The following PLCB1 variants were observed in gnomAD, a reference collection of about 807,000 sequenced individuals.
PLCB1 encodes the protein phospholipase C beta 1, also known as 1-phosphatidylinositol 4,5-bisphosphate phosphodiesterase beta-1.
A neutral mutation model predicts 161.8 loss-of-function variants in PLCB1; 46 were observed. That is an observed-to-expected ratio of 0.28 (90% CI 0.22 to 0.36). The LOEUF (loss-of-function observed/expected upper bound fraction) is 0.36. Among genes scored for constraint, PLCB1 ranks in the 10% least tolerant of loss-of-function variants. The pLI is 1.00. For synonymous variants in PLCB1, 517 were observed against 503.7 expected, an observed-to-expected ratio of 1.03 and a Z score of -0.35; for missense variants, 1,016 against 1,472.5, an observed-to-expected ratio of 0.69 and a Z score of 5.07.
chr20:8,139,012 A>G (rs1415846296), intron 1 of PLCB1, among the ~76,000 whole-genome samples: 1 of 150,950 alleles, frequency 6.6e-6, no homozygotes, highest in African/African-American at 2.4e-5. Flanking sequence ...ATTTTTATTT[A>G]TACTAAAATT....
At chr20:8,490,807 A>G (rs1216792685) in intron 3 of PLCB1, among the ~76,000 whole-genome samples, 1 of 151,264 alleles carries the variant, frequency 6.6e-6, no homozygotes, top group East Asian at 1.9e-4. Flanking sequence ...TTTTAGGAGA[A>G]TAGTTTCTTT....
intron 3 of PLCB1, among the ~76,000 whole-genome samples, chr20:8,438,298 A>G (rs2122602143): frequency 6.6e-6 from 1 of 152,320 alleles, no homozygotes; most frequent in Middle Eastern, 3.4e-3. Context: ...ATACCTAAAT[A>G]TTGAGGGAAA....
intron 2 of PLCB1, among the ~76,000 whole-genome samples, chr20:8,183,714 G>A (rs1163493588): frequency 2.0e-5 from 3 of 152,090 alleles, no homozygotes; most frequent in Admixed American, 6.5e-5. Context: ...ATGAATGTCC[G>A]TCTCCAGGGA....
intron 3 of PLCB1, among the ~76,000 whole-genome samples, chr20:8,590,991 A>G (rs932227437): frequency 6.6e-6 from 1 of 152,072 alleles, no homozygotes; most frequent in Admixed American, 6.5e-5. Flanking sequence ...CGACCTTCCA[A>G]CAGGCCCCAG....
intron 23 of PLCB1, chr20:8,752,011 G>T (rs1296610748): frequency 4.6e-5 from 7 of 152,102 alleles, no homozygotes; most frequent in African/African-American, 1.7e-4. Flanking sequence ...ATATCAGAAA[G>T]TTCAATTTTA....
intron 3 of PLCB1, among the ~76,000 whole-genome samples, chr20:8,570,353 G>A (rs555794358): frequency 1.2e-4 from 19 of 152,128 alleles, no homozygotes; most frequent in African/African-American, 3.6e-4. Context: ...GTAGAGAGTG[G>A]GTGAAGAGGA....
intron 3 of PLCB1, among the ~76,000 whole-genome samples, chr20:8,394,138 A>T (rs1228079150): frequency 6.6e-6 from 1 of 152,108 alleles, no homozygotes; most frequent in Non-Finnish European, 1.5e-5. Context: ...AGCACCTGGA[A>T]TCTATGCTGG....
At chr20:8,322,662 A>G (rs945192569) in intron 2 of PLCB1, among the ~76,000 whole-genome samples, 1 of 152,210 alleles carries the variant, frequency 6.6e-6, no homozygotes, top group African/African-American at 2.4e-5. Flanking sequence ...AGATCATCAG[A>G]CATCAAGTAG....
intron 18 of PLCB1, chr20:8,729,936 A>ATTATATTTTTATAATT: frequency 6.6e-6 from 1 of 152,072 alleles, no homozygotes; most frequent in South Asian, 2.1e-4. Flanking sequence ...ATAATAATTA[A>ATTATATTTTTATAATT]ACCAGACAAA....
At chr20:8,356,523 C>T (rs990685549) in intron 2 of PLCB1, among the ~76,000 whole-genome samples, 5 of 151,908 alleles carry the variant, frequency 3.3e-5, no homozygotes, top group African/African-American at 7.3e-5. Context: ...CAAATCTACG[C>T]GGTTTCTCTG....
intron 2 of PLCB1, among the ~76,000 whole-genome samples, chr20:8,358,692 T>C (rs1986443256): frequency 1.3e-5 from 2 of 152,218 alleles, no homozygotes; most frequent in African/African-American, 4.8e-5. Context: ...TTCGCTTTTA[T>C]TTTTTGCATT....
At chr20:8,712,769 C>T (rs562650568) in intron 12 of PLCB1, among the ~76,000 whole-genome samples, 5 of 152,284 alleles carry the variant, frequency 3.3e-5, no homozygotes. Flanking sequence ...GTGAGTTCCT[C>T]GGTCAGAAAA....
At chr20:8,771,936 C>G (rs781410015) in intron 26 of PLCB1, among the ~76,000 whole-genome samples, 9 of 151,292 alleles carry the variant, frequency 5.9e-5, no homozygotes, top group Non-Finnish European at 1.2e-4. Flanking sequence ...GGCTGGAGTG[C>G]AGTGGCATGA....
chr20:8,803,347 A>G (rs556330214), intron 31 of PLCB1, among the ~76,000 whole-genome samples: 2 of 152,188 alleles, frequency 1.3e-5, no homozygotes, highest in Admixed American at 1.3e-4. Context: ...TCCAGGCTTA[A>G]GCACCTGGAA....
At chr20:8,776,034 C>T (rs6056099) in intron 27 of PLCB1, among the ~76,000 whole-genome samples, 34,200 of 152,086 alleles carry the variant, frequency 0.22, 3,862 homozygotes, top group Middle Eastern at 0.36. Context: ...TAAATTTTAA[C>T]GGGCAATAAT....
rs778782867 is a variant in PLCB1 at position 8,716,277 on chromosome 20, G to A, written c.1264G>A (p.Ala422Thr). 3.1e-6 allele frequency: 5 copies of A among 1,614,006 alleles called. No homozygotes were observed. Among genetic ancestry groups the A allele is most frequent in the Non-Finnish European group, 4.2e-6 (5 of 1,179,896 alleles). Residue 422 changes from alanine (A) to threonine (T), a missense_variant, in exon 13 of 32, where the codon GCC becomes ACC. This residue lies in a region of PLCB1 where 56 missense variants were observed against 126.3 expected (regional missense o/e 0.44). Coordinates refer to ENST00000338037, the MANE Select transcript of PLCB1 (RefSeq NM_015192.4). Reference sequence around the variant, plus strand: ...GTTCTCCCTTAGCCCAAAGCAGCAAGCCAAGATGGCGGAGTACTGCCGACT... The same window carrying A: ...GTTCTCCCTTAGCCCAAAGCAGCAAACCAAGATGGCGGAGTACTGCCGACT... ...ENHVDSPKQQ[A>T]KMAEYCRLIF...
At chr20:8,860,595 A>G (rs1489333837) in intron 31 of PLCB1, among the ~76,000 whole-genome samples, 1 of 152,232 alleles carries the variant, frequency 6.6e-6, no homozygotes, top group Non-Finnish European at 1.5e-5. Flanking sequence ...TAGGTCCCCA[A>G]TAAATATTCA....
At position 8,437,553 on chromosome 20, in the gene PLCB1, T is replaced by C. The variant is rs893384605; in HGVS notation, c.246+66103T>C. 4.1e-4 allele frequency among the ~76,000 whole-genome samples: 62 copies of C among 152,336 alleles called. 1 individual carries two copies. Among genetic ancestry groups the C allele is most frequent in the African/African-American group, 1.4e-3 (59 of 41,576 alleles). ...TTACAGTACTGAGTAGTGGAATCAC[T>C]ATTTCTCAAATAACTAGTCATCCAG... On this transcript the variant is annotated intron_variant, in intron 3 of 31. Coordinates refer to ENST00000338037, the MANE Select transcript of PLCB1 (RefSeq NM_015192.4).
intron 10 of PLCB1, among the ~76,000 whole-genome samples, chr20:8,685,627 C>T (rs1568560200): frequency 6.6e-6 from 1 of 150,458 alleles, no homozygotes; most frequent in Non-Finnish European, 1.5e-5. Context: ...AACCCAGCTA[C>T]TTGGGAGGCT....
Sources: allele counts gnomAD v4.1 joint callset (sites outside exome capture counted in the v4.1 genomes callset), GRCh38; gene constraint gnomAD v4.1.1; regional missense constraint gnomAD v4.1.1; transcripts MANE v1.5; gene names NCBI Gene and HGNC (gene_info 2026-07-23, HGNC 2026-07-21).